PTCD3: variants seen among roughly 807,000 people sequenced by gnomAD.
PTCD3 encodes the protein pentatricopeptide repeat domain 3.
A neutral mutation model predicts 101.9 loss-of-function variants in PTCD3; 89 were observed. That is an observed-to-expected ratio of 0.87 (90% CI 0.74 to 1.04). The LOEUF (loss-of-function observed/expected upper bound fraction) is 1.04. PTCD3 is among the 50% of genes least tolerant of loss of function. The probability of loss-of-function intolerance (pLI) is 0.00; values close to 1 mark genes in which losing one functional copy is unlikely to be tolerated. For missense variants in PTCD3, 870 were observed against 828.2 expected, an observed-to-expected ratio of 1.05 and a Z score of -0.62; for synonymous variants, 296 against 278.5, an observed-to-expected ratio of 1.06 and a Z score of -0.63.
intron 4 of PTCD3, among the ~76,000 whole-genome samples, chr2:86,114,273 A>C (rs780002073): frequency 2.0e-5 from 3 of 151,878 alleles, no homozygotes; most frequent in Non-Finnish European, 4.4e-5. Flanking sequence ...TGAGAAAGGA[A>C]TTCTTTTTTT....
At chr2:86,110,597 A>G (rs998496901) in intron 3 of PTCD3, among the ~76,000 whole-genome samples, 2 of 152,340 alleles carry the variant, frequency 1.3e-5, no homozygotes, top group Non-Finnish European at 2.9e-5. Flanking sequence ...AACGTTATAT[A>G]TGGTTGAGAG....
intron 15 of PTCD3, 95 bp downstream of exon 15, chr2:86,130,832 G>C: frequency 6.7e-7 from 1 of 1,485,050 alleles, no homozygotes; most frequent in East Asian, 2.4e-5. Flanking sequence ...CTATAGCTTA[G>C]AAGTATTTTT....
Position 86,127,246 on chromosome 2 carries a change from A to G in PTCD3, c.1037A>G (p.His346Arg), listed in dbSNP as rs752197680. Residue 346 changes from histidine (H) to arginine (R), a missense_variant, in exon 13 of 24, where the codon CAT becomes CGT. His to Arg is a conservative substitution (Grantham distance 29, BLOSUM62 0). Coordinates refer to ENST00000254630, the MANE Select transcript of PTCD3 (RefSeq NM_017952.6). ...NTILKCLRRF[H>R]VFARSPALQV... is the part of the protein sequence containing the mutation. ...ATTCTGAAATGTCTCCGAAGATTTC[A>G]TGTGTTTGCAAGATCGCCAGCCTTA... is the stretch of plus-strand genomic sequence containing the variant. The G allele has an allele frequency of 1.9e-6, 3 of 1,614,134 alleles. No homozygotes were observed. The highest frequency in any genetic ancestry group is 1.1e-5 in the South Asian group (1 of 91,086).
At chr2:86,129,726 T>G (rs1223128754) in intron 14 of PTCD3, among the ~76,000 whole-genome samples, 2 of 152,184 alleles carry the variant, frequency 1.3e-5, no homozygotes, top group Non-Finnish European at 2.9e-5. Flanking sequence ...GAGAATATTA[T>G]GTAACTAATA....
rs1224032194 is a variant in PTCD3, at chr2:86,141,837, A to G, written c.*4278A>G. 4 of 152,176 alleles carry G rather than the reference A, an allele frequency of 2.6e-5. No homozygotes were observed. Among genetic ancestry groups the G allele is most frequent in the African/African-American group, 9.7e-5 (4 of 41,438 alleles). The allele number at this position is 152,176 out of a possible 1,614,324, so 9.4% of individuals were successfully genotyped here. On this transcript the variant is annotated 3_prime_UTR_variant, in exon 24 of 24. Transcript: ENST00000254630. ...GGGTGAAGAGAAGCCTACCTGCCCT[A>G]ATGGCTCAGGGCTATATCCACCTCC...
intron 23 of PTCD3, 137 bp from the exon 24 acceptor site, chr2:86,137,331 CT>C: frequency 7.4e-7 from 1 of 1,359,098 alleles, no homozygotes; most frequent in African/African-American, 1.5e-5. Flanking sequence ...CTTTTTGTTT[CT>C]AATATAGTTT....
Position 86,112,681 on chromosome 2 carries a change from CAAAA to C in PTCD3, c.240+1543_240+1546del, listed in dbSNP as rs397953846. Among the ~76,000 whole-genome samples, 8 of 81,280 alleles carry C rather than the reference CAAAA, an allele frequency of 9.8e-5. No homozygotes were observed. The South Asian group carries it at 1.7e-3, about 17-fold the overall frequency. The allele number at this position is 81,280 out of a possible 152,430, so 53.3% of individuals were successfully genotyped here. A position where few individuals can be genotyped will look rare whatever the true frequency, so the allele number is the denominator to read the frequency against. ...TGGGTGAGTTAGTGAGACTCTGTCTCAAAAAAAAAAAAAAAAAAAAAAATTTAAA... is the reference window on the plus strand; with the variant it reads ...TGGGTGAGTTAGTGAGACTCTGTCTCAAAAAAAAAAAAAAAAAAATTTAAA... On this transcript the variant is annotated intron_variant, in intron 4 of 23. Transcript: ENST00000254630.
intron 3 of PTCD3, chr2:86,110,856 T>C: frequency 2.9e-6 from 2 of 697,704 alleles, no homozygotes; most frequent in South Asian, 3.0e-5. Flanking sequence ...GAGGGCGGGA[T>C]GGAAATCACT....
At chr2:86,110,087 GAA>G (rs771860265) in intron 3 of PTCD3, among the ~76,000 whole-genome samples, 17 of 152,160 alleles carry the variant, frequency 1.1e-4, no homozygotes, top group Non-Finnish European at 2.4e-4. Context: ...ACCCTTTAAA[GAA>G]AGAGAATTAG....
chr2:86,131,049 C>A, intron 15 of PTCD3, 29 bp from the exon 16 acceptor site: 1 of 1,595,458 alleles, frequency 6.3e-7, no homozygotes, highest in South Asian at 1.1e-5. Flanking sequence ...TCCATTGTAA[C>A]CAAAGCTCTT....
At chr2:86,121,396 A>G in intron 7 of PTCD3, 83 bp from the exon 8 acceptor site, 1 of 841,406 alleles carries the variant, frequency 1.2e-6, no homozygotes, top group South Asian at 1.7e-5. Context: ...CCGCTAATAT[A>G]AAAAAATGAC....
intron 12 of PTCD3, 55 bp downstream of exon 12, chr2:86,125,935 A>G: frequency 7.7e-7 from 1 of 1,291,284 alleles, no homozygotes; most frequent in Non-Finnish European, 1.1e-6. Flanking sequence ...TCTTTACCAG[A>G]AATACATGGG....
rs371669831 is a variant in PTCD3 at position 86,116,618 on chromosome 2, T to A, written c.309+20T>A. On this transcript the variant is annotated intron_variant, in intron 5 of 23. Coordinates refer to ENST00000254630, the MANE Select transcript of PTCD3 (RefSeq NM_017952.6). ...GAATCTGTGAGTATTTTCATATAAT[T>A]TTCTAGTGTTTTATCTCTCTGGTTT... 4 of 1,558,878 alleles carry A rather than the reference T, an allele frequency of 2.6e-6. No homozygotes were observed. The highest frequency in any genetic ancestry group is 2.7e-5 in the African/African-American group (2 of 73,730).
intron 23 of PTCD3, 39 bp downstream of exon 23, chr2:86,137,179 A>T (rs1175002080): frequency 3.3e-6 from 5 of 1,524,006 alleles, no homozygotes; most frequent in Non-Finnish European, 4.4e-6. Flanking sequence ...TAAAATGGAG[A>T]CCTTTCATCC....
In PTCD3 at chr2:86,127,165, T is replaced by A; in HGVS notation, c.956T>A (p.Leu319Gln). The A allele has an allele frequency of 6.2e-7, 1 of 1,611,386 alleles. No individual in the cohort carries two copies. Among genetic ancestry groups the A allele is most frequent in the Non-Finnish European group, 8.5e-7 (1 of 1,178,910 alleles). ...TCTTGTTTTTTATTCACCTAGGAGC[T>A]GCTAAGACACATGGTTGCACAGAAG... Reference protein sequence around the residue: ...FEEKWSKILELLRHMVAQKVK... With the variant: ...FEEKWSKILEQLRHMVAQKVK... Residue 319 changes from leucine to glutamine, a missense_variant, in exon 13 of 24, where the codon CTG becomes CAG. Leu to Gln is a moderately radical substitution (Grantham distance 113, BLOSUM62 -2). Transcript: ENST00000254630.
At chr2:86,135,051 C>T (rs879633673) in intron 21 of PTCD3, 64 bp downstream of exon 21, 47 of 1,513,248 alleles carry the variant, frequency 3.1e-5, no homozygotes, top group South Asian at 3.8e-5. Context: ...AACATTGGCC[C>T]ACGCTGGTAG....
intron 14 of PTCD3, 134 bp from the exon 15 acceptor site, chr2:86,130,514 G>A (rs1177726939): frequency 5.9e-6 from 8 of 1,349,334 alleles, no homozygotes; most frequent in Non-Finnish European, 7.8e-6. Flanking sequence ...GCAAGCATTG[G>A]CCTCCACCCA....
At chr2:86,107,161 A>G in intron 1 of PTCD3, 1 of 471,170 alleles carries the variant, frequency 2.1e-6, no homozygotes, top group Non-Finnish European at 4.4e-6. Flanking sequence ...TACTGCAGAA[A>G]CCTTTGTGCT....
At chr2:86,111,035 A>G (rs774154724) in intron 3 of PTCD3, 78 bp from the exon 4 acceptor site, 6 of 1,296,268 alleles carry the variant, frequency 4.6e-6, no homozygotes, top group South Asian at 3.5e-5. Flanking sequence ...TGGCCAGTAC[A>G]CTGAGAGTAG....
Sources: gnomAD v4.1 joint callset for allele counts (sites outside exome capture counted in the v4.1 genomes callset) on GRCh38, gnomAD v4.1.1 for gene constraint, MANE v1.5 for transcripts, NCBI Gene and HGNC (gene_info 2026-07-23, HGNC 2026-07-21) for gene names.